RASD2: variants seen among roughly 807,000 people sequenced by gnomAD.
RASD2 encodes RASD family member 2.
RASD2 carries 7 observed loss-of-function variants against 15.8 expected under a neutral mutation model. That is an observed-to-expected ratio of 0.44 (90% CI 0.25 to 0.83). RASD2 has a LOEUF of 0.83. RASD2 is among the 40% of genes least tolerant of loss of function. The pLI is 0.20. For missense variants in RASD2, 274 were observed against 382.8 expected (o/e 0.72, Z 2.37); for synonymous variants, 155 against 153.6 (o/e 1.01, Z -0.07).
chr22:35,552,196 T>G lies in RASD2; in HGVS notation c.*164T>G, dbSNP rs1225596266. 5 of 870,032 alleles carry G rather than the reference T, an allele frequency of 5.7e-6. No individual in the cohort carries two copies. Among genetic ancestry groups the G allele is most frequent in the African/African-American group, 1.7e-5 (1 of 58,758 alleles). The allele number at this position is 870,032 out of a possible 1,614,324, so 53.9% of individuals were successfully genotyped here. ...GCTGGCCTCCGCACATTCGTCTGCC[T>G]TCTCACAGCTTTCCTGAGTCCGCTT... On this transcript the variant is annotated 3_prime_UTR_variant, in exon 3 of 3. Coordinates refer to ENST00000216127, the MANE Select transcript of RASD2 (RefSeq NM_014310.4).
intron 1 of RASD2, among the ~76,000 whole-genome samples, chr22:35,545,429 C>G (rs1934473409): frequency 6.6e-6 from 1 of 152,200 alleles, no homozygotes; most frequent in Non-Finnish European, 1.5e-5. Context: ...GTGCCTTTTC[C>G]TCTACACAAG....
At chr22:35,534,662 A>G in the RASD2 span, among the ~76,000 whole-genome samples, 1 of 152,204 alleles carries the variant, frequency 6.6e-6, no homozygotes. Context: ...CTCAAGGACT[A>G]GATGAGGTCA....
rs1327069229 is a variant in RASD2, at chr22:35,553,363, G to A, written c.*1331G>A. ...TATGCTGGGTACCACCATGTACTCA[G>A]GCATGGTGGGTTTTGAACCCATAAA... On this transcript the variant is annotated 3_prime_UTR_variant, in exon 3 of 3. Transcript: ENST00000216127. 1 of 152,506 alleles carries A rather than the reference G, an allele frequency of 6.6e-6. No individual in the cohort carries two copies. The highest frequency in any genetic ancestry group is 6.6e-5 in the Admixed American group (1 of 15,264). The allele number at this position is 152,506 out of a possible 1,614,324, so 9.4% of individuals were successfully genotyped here. A position where few individuals can be genotyped will look rare whatever the true frequency, so the allele number is the denominator to read the frequency against.
At chr22:35,548,455 T>C (rs1934572019) in intron 2 of RASD2, among the ~76,000 whole-genome samples, 1 of 152,220 alleles carries the variant, frequency 6.6e-6, no homozygotes, top group South Asian at 2.1e-4. Context: ...GGTTACACGA[T>C]CATTTCCCAA....
rs1220312194 is a variant in RASD2 at position 35,541,366 on chromosome 22, C to T, written c.-144C>T. On this transcript the variant is annotated 5_prime_UTR_variant, in exon 1 of 3. Coordinates refer to ENST00000216127, the MANE Select transcript of RASD2 (RefSeq NM_014310.4). ...CGTCCCGAGCAGCGCAGGGGAGGAT[C>T]CCCGCGCAGTGACCCGGGAGCCACC... 1 of 152,366 alleles carries T rather than the reference C, an allele frequency of 6.6e-6. No homozygotes were observed. The highest frequency in any genetic ancestry group is 1.9e-4 in the East Asian group (1 of 5,156). 9.4% of individuals were successfully genotyped at this position (152,366 alleles called of 1,614,324 possible).
At chr22:35,550,440 CA>C (rs397838574) in intron 2 of RASD2, among the ~76,000 whole-genome samples, 9,502 of 64,184 alleles carry the variant, frequency 0.15, 449 homozygotes, top group East Asian at 0.47. Context: ...GACTCCATCT[CA>C]AAAAAAAAAA....
chr22:35,552,111 C>A lies in RASD2; in HGVS notation c.*79C>A. On this transcript the variant is annotated 3_prime_UTR_variant, in exon 3 of 3. Transcript: ENST00000216127. ...ATGCCCACTGTGCGCATCTCCCCAC[C>A]GAGGCCCCGGCAGCAGTCTTGTTCA... The A allele has an allele frequency of 6.7e-7, 1 of 1,490,366 alleles. No homozygotes were observed. The highest frequency in any genetic ancestry group is 9.0e-7 in the Non-Finnish European group (1 of 1,113,350). The allele number at this position is 1,490,366 out of a possible 1,614,324, so 92.3% of individuals were successfully genotyped here.
rs1417041075 is a variant in RASD2, at chr22:35,553,799, C to T, written c.*1767C>T. ...AGCTCTGCATACCTGCACCTGCACC[C>T]CAGCCTTGGCCCCTGCCTGCGTCTG... On this transcript the variant is annotated 3_prime_UTR_variant, in exon 3 of 3. Transcript: ENST00000216127. 1 of 153,000 alleles carries T rather than the reference C, an allele frequency of 6.5e-6. No individual in the cohort carries two copies. The highest frequency in any genetic ancestry group is 1.5e-5 in the Non-Finnish European group (1 of 68,354). The allele number at this position is 153,000 out of a possible 1,614,324, so 9.5% of individuals were successfully genotyped here.
At chr22:35,542,013 C>T (rs1222405955) in intron 1 of RASD2, among the ~76,000 whole-genome samples, 1 of 152,126 alleles carries the variant, frequency 6.6e-6, no homozygotes, top group Non-Finnish European at 1.5e-5. Flanking sequence ...GGATGATTCC[C>T]TTCCCAGGAG....
Position 35,552,252 on chromosome 22 carries a change from C to T in RASD2, c.*220C>T. The T allele has an allele frequency of 1.6e-6, 1 of 607,346 alleles. No homozygotes were observed. The highest frequency in any genetic ancestry group is 2.9e-6 in the Non-Finnish European group (1 of 348,388). The allele number at this position is 607,346 out of a possible 1,614,324, so 37.6% of individuals were successfully genotyped here. ...CAGCTCCTTGGTGGTTTCATCTCCT[C>T]TGTGGGAGGACACATCTCTGCAGCC... On this transcript the variant is annotated 3_prime_UTR_variant, in exon 3 of 3. Transcript: ENST00000216127.
Position 35,552,188 on chromosome 22 carries a change from C to T in RASD2, c.*156C>T, listed in dbSNP as rs1934689274. On this transcript the variant is annotated 3_prime_UTR_variant, in exon 3 of 3. Coordinates refer to ENST00000216127, the MANE Select transcript of RASD2 (RefSeq NM_014310.4). ...CCCCGGGCGCTGGCCTCCGCACATT[C>T]GTCTGCCTTCTCACAGCTTTCCTGA... 1 of 942,832 alleles carries T rather than the reference C, an allele frequency of 1.1e-6. No individual in the cohort carries two copies. The highest frequency in any genetic ancestry group is 1.7e-5 in the African/African-American group (1 of 60,354). 58.4% of individuals were successfully genotyped at this position (942,832 alleles called of 1,614,324 possible).
chr22:35,546,744 A>C lies in RASD2; in HGVS notation c.-9-57A>C, dbSNP rs369799973. On this transcript the variant is annotated intron_variant, in intron 1 of 2. Transcript: ENST00000216127. ...AGACAGAGGCCTAGAGGAGGCCAAG[A>C]GGTGGTGGGGCCAGGTCGGGGGGGC... 3.4e-5 allele frequency: 53 copies of C among 1,570,942 alleles called. No homozygotes were observed. The East Asian group carries it at 1.1e-3, about 33-fold the overall frequency.
chr22:35,546,739 C>G, intron 1 of RASD2, 62 bp from the exon 2 acceptor site: 1 of 1,563,094 alleles, frequency 6.4e-7, no homozygotes. Context: ...CTAGAGGAGG[C>G]CAAGAGGTGG....
At chr22:35,545,986 A>G (rs1442609022) in intron 1 of RASD2, among the ~76,000 whole-genome samples, 1 of 152,066 alleles carries the variant, frequency 6.6e-6, no homozygotes, top group African/African-American at 2.4e-5. Context: ...TTGCCCCAGA[A>G]CCATAACCCT....
chr22:35,539,965 C>T (rs959855688), upstream of RASD2, among the ~76,000 whole-genome samples: 41 of 152,308 alleles, frequency 2.7e-4, no homozygotes, highest in African/African-American at 8.4e-4. Flanking sequence ...ACTCGCATGC[C>T]TCGAAGACCT....
the RASD2 span, among the ~76,000 whole-genome samples, chr22:35,533,164 G>C: frequency 6.6e-6 from 1 of 152,196 alleles, no homozygotes. Flanking sequence ...GAGAGCAGTT[G>C]GTAAATGTTA....
intron 2 of RASD2, among the ~76,000 whole-genome samples, chr22:35,547,562 G>A (rs1164854488): frequency 6.6e-6 from 1 of 152,220 alleles, no homozygotes; most frequent in Non-Finnish European, 1.5e-5. Flanking sequence ...TGATGGTGAT[G>A]GCACTAGCTG....
intron 1 of RASD2, among the ~76,000 whole-genome samples, chr22:35,544,955 G>A (rs1478926419): frequency 5.9e-5 from 9 of 152,278 alleles, no homozygotes; most frequent in Middle Eastern, 3.4e-3. Flanking sequence ...TACTTAGTGC[G>A]GGGCTTGGCA....
At chr22:35,541,879 C>G (rs1362281532) in intron 1 of RASD2, among the ~76,000 whole-genome samples, 1 of 152,162 alleles carries the variant, frequency 6.6e-6, no homozygotes, top group Admixed American at 6.5e-5. Flanking sequence ...CACAAACACT[C>G]CTGTCCCTCT....
Sources: allele counts gnomAD v4.1 joint callset (sites outside exome capture counted in the v4.1 genomes callset), GRCh38; gene constraint gnomAD v4.1.1; transcripts MANE v1.5; gene names NCBI Gene and HGNC (gene_info 2026-07-23, HGNC 2026-07-21).